Variants in UBE2D2 observed in about 807,000 individuals in gnomAD.
UBE2D2 encodes the protein ubiquitin-conjugating enzyme E2 D2.
Under a neutral mutation model 24.2 loss-of-function variants are expected in UBE2D2, and 2 were observed. The observed-to-expected ratio is 0.08, with a 90% CI of 0.03 to 0.26. The LOEUF (loss-of-function observed/expected upper bound fraction) is 0.26. Among genes scored for constraint, UBE2D2 ranks in the 10% least tolerant of loss-of-function variants. The probability of loss-of-function intolerance (pLI) is 1.00; values close to 1 mark genes in which losing one functional copy is unlikely to be tolerated. For missense variants in UBE2D2, 44 were observed against 177.6 expected (o/e 0.25, Z 4.28); for synonymous variants, 58 against 56.5 (o/e 1.03, Z -0.12).
chr5:139,588,725 A>G (rs924265083), intron 1 of UBE2D2, among the ~76,000 whole-genome samples: 4 of 152,194 alleles, frequency 2.6e-5, no homozygotes, highest in Admixed American at 6.5e-5. Flanking sequence ...AGCTGTCAAC[A>G]TTGTCACACA....
At chr5:139,616,951 A>C (rs1754433596) in intron 5 of UBE2D2, among the ~76,000 whole-genome samples, 1 of 152,118 alleles carries the variant, frequency 6.6e-6, no homozygotes, top group African/African-American at 2.4e-5. Context: ...TGAGGCTGAG[A>C]TGGGCAGATG....
intron 1 of UBE2D2, among the ~76,000 whole-genome samples, chr5:139,549,351 C>T (rs1360279435): frequency 6.6e-6 from 1 of 152,186 alleles, no homozygotes; most frequent in African/African-American, 2.4e-5. Flanking sequence ...GAGGGAGAGG[C>T]CCAGGCAGGA....
intron 1 of UBE2D2, among the ~76,000 whole-genome samples, chr5:139,588,734 CAG>C (rs1314817103): frequency 6.6e-6 from 1 of 152,120 alleles, no homozygotes; most frequent in East Asian, 1.9e-4. Flanking sequence ...CATTGTCACA[CAG>C]ATCGTATTTT....
chr5:139,553,453 C>T (rs1294061511), intron 1 of UBE2D2, among the ~76,000 whole-genome samples: 2 of 152,158 alleles, frequency 1.3e-5, no homozygotes, highest in African/African-American at 4.8e-5. Flanking sequence ...CCAGCTATAT[C>T]ACAGCTGTCA....
chr5:139,546,181 T>A (rs1248900250), intron 1 of UBE2D2, among the ~76,000 whole-genome samples: 1 of 151,796 alleles, frequency 6.6e-6, no homozygotes, highest in Non-Finnish European at 1.5e-5. Context: ...GTAGCTGGGA[T>A]TACAGCTGCC....
intron 1 of UBE2D2, among the ~76,000 whole-genome samples, chr5:139,563,824 A>G (rs982055779): frequency 6.6e-6 from 1 of 151,858 alleles, no homozygotes. Context: ...AGTCCCAGCT[A>G]CTCTGGAGGC....
chr5:139,540,325 A>T (rs190728707), intron 1 of UBE2D2, among the ~76,000 whole-genome samples: 7 of 152,296 alleles, frequency 4.6e-5, no homozygotes, highest in Admixed American at 2.6e-4. Flanking sequence ...AAATATTTTT[A>T]AAAATAACAT....
rs148271941 is a variant in UBE2D2, at chr5:139,564,060, A to G, written c.24+2245A>G. Among the ~76,000 whole-genome samples the G allele has an allele frequency of 1.6e-3, 248 of 152,310 alleles. 1 individual carries two copies. Among genetic ancestry groups the G allele is most frequent in the African/African-American group, 5.7e-3 (238 of 41,582 alleles). On this transcript the variant is annotated intron_variant, in intron 1 of 6. Transcript: ENST00000398733. ...AATTAATAATACTTGCTCTGGTAAT[A>G]TAGTTTCTTATGAGTTGCTACATAT...
At chr5:139,561,917 G>C in intron 1 of UBE2D2, 102 bp downstream of exon 1, 6 of 1,396,864 alleles carry the variant, frequency 4.3e-6, no homozygotes, top group Non-Finnish European at 5.6e-6. Flanking sequence ...CTTGGATCTT[G>C]CTGCCGGTGC....
intron 1 of UBE2D2, among the ~76,000 whole-genome samples, chr5:139,541,066 G>A (rs2126632319): frequency 6.6e-6 from 1 of 152,174 alleles, no homozygotes; most frequent in African/African-American, 2.4e-5. Context: ...GGGAGGCTAA[G>A]GCGGGTGGAT....
rs77322031 is a variant in UBE2D2 at position 139,606,032 on chromosome 5, C to T, written c.88+5597C>T. On this transcript the variant is annotated intron_variant, in intron 2 of 6. Transcript: ENST00000398733. ...CCCTGTGATTGCAGCTGCGAGCTAC[C>T]GCACCCAGCTTTCTTTTCTTTTGAA... Among the ~76,000 whole-genome samples the T allele has an allele frequency of 6.3e-3, 958 of 152,180 alleles. 12 individuals carry two copies. The highest frequency in any genetic ancestry group is 0.018 in the African/African-American group (759 of 41,544).
intron 5 of UBE2D2, among the ~76,000 whole-genome samples, chr5:139,619,681 G>A (rs1394756593): frequency 6.6e-6 from 1 of 152,032 alleles, no homozygotes; most frequent in Non-Finnish European, 1.5e-5. Context: ...TGACCAACAT[G>A]GAGAAACCCC....
At chr5:139,609,811 G>T (rs1342358504) in intron 2 of UBE2D2, among the ~76,000 whole-genome samples, 16 of 135,770 alleles carry the variant, frequency 1.2e-4, no homozygotes, top group African/African-American at 4.2e-4. Context: ...TCGCACTGTT[G>T]CCCAGGCTGG....
chr5:139,564,302 C>T (rs987509670), intron 1 of UBE2D2, among the ~76,000 whole-genome samples: 2 of 151,976 alleles, frequency 1.3e-5, no homozygotes, highest in African/African-American at 4.8e-5. Flanking sequence ...TACAGGCACG[C>T]ACCACCACAC....
intron 1 of UBE2D2, among the ~76,000 whole-genome samples, chr5:139,594,689 C>G (rs1465655529): frequency 6.6e-6 from 1 of 152,162 alleles, no homozygotes. Context: ...GCTGGGATTA[C>G]AGGTGTGAGC....
intron 1 of UBE2D2, among the ~76,000 whole-genome samples, chr5:139,571,753 C>A (rs902154099): frequency 1.3e-5 from 2 of 151,504 alleles, no homozygotes; most frequent in African/African-American, 4.9e-5. Flanking sequence ...TTCCCTCTTT[C>A]CTTCCTTCTC....
chr5:139,541,635 C>T (rs1179859125), intron 1 of UBE2D2, among the ~76,000 whole-genome samples: 1 of 148,832 alleles, frequency 6.7e-6, no homozygotes, highest in African/African-American at 2.5e-5. Context: ...ACACATAGGG[C>T]TCAATGCTGG....
chr5:139,527,184 G>T (rs547958395), intron 1 of UBE2D2, among the ~76,000 whole-genome samples: 4 of 152,134 alleles, frequency 2.6e-5, no homozygotes, highest in Non-Finnish European at 4.4e-5. Flanking sequence ...AGAAAGCCTG[G>T]AGAGGTCCCT....
chr5:139,535,676 GA>G (rs1215683446), intron 1 of UBE2D2, among the ~76,000 whole-genome samples: 4 of 152,114 alleles, frequency 2.6e-5, no homozygotes, highest in Non-Finnish European at 4.4e-5. Context: ...AATAAATATG[GA>G]AGGCTATGCC....
Sources: gnomAD v4.1 joint callset for allele counts (sites outside exome capture counted in the v4.1 genomes callset) on GRCh38, gnomAD v4.1.1 for gene constraint, MANE v1.5 for transcripts, NCBI Gene and HGNC (gene_info 2026-07-23, HGNC 2026-07-21) for gene names.